The following MTMR10 variants were observed in gnomAD, a reference collection of about 807,000 sequenced individuals.
MTMR10 encodes the protein myotubularin related protein 10, also known as myotubularin-related protein 10.
In MTMR10, 56 loss-of-function variants were observed where a neutral mutation model predicts 88.1. That is an observed-to-expected ratio of 0.64 (90% CI 0.51 to 0.79). MTMR10 has a LOEUF of 0.79. MTMR10 is among the 30% of genes least tolerant of loss of function. MTMR10 has a pLI of 0.00. For synonymous variants in MTMR10, 380 were observed against 340.9 expected (o/e 1.11, Z -1.26); for missense variants, 883 against 924.7 (o/e 0.95, Z 0.58).
chr15:30,947,006 C>A, intron 14 of MTMR10, 124 bp downstream of exon 14: 1 of 1,240,512 alleles, frequency 8.1e-7, no homozygotes. Context: ...GAAATTTCAG[C>A]TGAAAATGGC....
In MTMR10 at chr15:30,941,752, G is replaced by A. The variant is rs777954484; in HGVS notation, c.2052C>T (p.Leu684=). The change falls in exon 16 of 16, where the codon CTC becomes CTT. Residue 684 remains leucine, a synonymous_variant. Coordinates refer to ENST00000435680, the MANE Select transcript of MTMR10 (RefSeq NM_017762.3). ...TCAGTACGTCGACTTCATCAGCCAG[G>A]AGGGAGAGCTTGTGAAAGGCTGTGA... ...GSITAFHKLS[L]LADEVDVLSR... The A allele has an allele frequency of 6.2e-7, 1 of 1,613,990 alleles. No homozygotes were observed. The highest frequency in any genetic ancestry group is 8.5e-7 in the Non-Finnish European group (1 of 1,179,894).
At chr15:30,959,668 C>T (rs1369965294) in intron 7 of MTMR10, among the ~76,000 whole-genome samples, 1 of 152,228 alleles carries the variant, frequency 6.6e-6, no homozygotes, top group African/African-American at 2.4e-5. Context: ...TTTCTCAGCA[C>T]ATATACCAGA....
chr15:30,943,070 T>A lies in MTMR10; in HGVS notation c.1551A>T (p.Glu517Asp). ...ATTGGATGTTTTTGCTTATAGCAAATTCCTGCAAAATAAATAAATAAATAT... is the reference window on the plus strand; with the variant it reads ...ATTGGATGTTTTTGCTTATAGCAAAATCCTGCAAAATAAATAAATAAATAT... ...SPHQRVKQST[E>D]FAISKNIQLG... Residue 517 changes from glutamate (E) to aspartate (D), a missense_variant and splice_region_variant, in exon 15 of 16, where the codon GAA (glutamate) becomes GAT (aspartate). This residue lies in a region of MTMR10 where 343 missense variants were observed against 323.2 expected (regional missense o/e 1.06). Coordinates refer to ENST00000435680, the MANE Select transcript of MTMR10 (RefSeq NM_017762.3). 1 of 1,526,728 alleles carries A rather than the reference T, an allele frequency of 6.5e-7. No individual in the cohort carries two copies. The highest frequency in any genetic ancestry group is 8.8e-7 in the Non-Finnish European group (1 of 1,140,376). The allele number at this position is 1,526,728 out of a possible 1,614,324, so 94.6% of individuals were successfully genotyped here. A position where few individuals can be genotyped will look rare whatever the true frequency, so the allele number is the denominator to read the frequency against.
intron 2 of MTMR10, among the ~76,000 whole-genome samples, chr15:30,978,465 G>C (rs1445241493): frequency 1.3e-5 from 2 of 152,330 alleles, no homozygotes; most frequent in East Asian, 3.9e-4. Context: ...CTAGATAAGA[G>C]AAACTAGTAA....
In MTMR10 at chr15:30,991,509, T is replaced by G. The variant is rs760457362; in HGVS notation, c.-3A>C. 1 of 1,531,320 alleles carries G rather than the reference T, an allele frequency of 6.5e-7. No individual in the cohort carries two copies. The highest frequency in any genetic ancestry group is 8.7e-7 in the Non-Finnish European group (1 of 1,147,420). The allele number at this position is 1,531,320 out of a possible 1,614,324, so 94.9% of individuals were successfully genotyped here. A position where few individuals can be genotyped will look rare whatever the true frequency, so the allele number is the denominator to read the frequency against. On this transcript the variant is annotated 5_prime_UTR_variant, in exon 1 of 16. Coordinates refer to ENST00000435680, the MANE Select transcript of MTMR10 (RefSeq NM_017762.3). ...TTGGGCGGCTTGAGGGAGAACATGG[T>G]GCCGCCGCCTTTTCGCCCCGTTCCC... is the stretch of plus-strand genomic sequence containing the variant.
chr15:30,959,010 TA>T (rs2063364952), intron 8 of MTMR10, 23 bp downstream of exon 8: 1 of 1,613,370 alleles, frequency 6.2e-7, no homozygotes, highest in African/African-American at 1.3e-5. Flanking sequence ...TCAGCATTCA[TA>T]AAATCCAACA....
Position 30,939,531 on chromosome 15 carries a change from AAAAAT to A in MTMR10, c.*1934_*1938del. On this transcript the variant is annotated 3_prime_UTR_variant, in exon 16 of 16. Coordinates refer to ENST00000435680, the MANE Select transcript of MTMR10 (RefSeq NM_017762.3). ...AATCATGATATAACAACTGTCCAGC[AAAAAT>A]AAAAGTATTTTACATTTGATTATCA... 1 of 977,988 alleles carries A rather than the reference AAAAAT, an allele frequency of 1.0e-6. No homozygotes were observed. Among genetic ancestry groups the A allele is most frequent in the Non-Finnish European group, 1.2e-6 (1 of 823,192 alleles). 60.6% of individuals were successfully genotyped at this position (977,988 alleles called of 1,614,324 possible).
At chr15:30,925,134 A>G in the MTMR10 span, 11 of 1,613,132 alleles carry the variant, frequency 6.8e-6, no homozygotes, top group Non-Finnish European at 8.5e-6. Flanking sequence ...CAGACTATCA[A>G]GTGCATCACA....
chr15:30,929,678 C>CAT, the MTMR10 span, among the ~76,000 whole-genome samples: 212 of 46,778 alleles, frequency 4.5e-3, 4 homozygotes, highest in African/African-American at 0.015. Flanking sequence ...TATAATATAT[C>CAT]ATATAATATA....
intron 9 of MTMR10, 140 bp from the exon 10 acceptor site, chr15:30,955,033 TAAGACAGAACCATTGCTTATC>T: frequency 1.5e-6 from 1 of 646,004 alleles, no homozygotes; most frequent in Non-Finnish European, 2.3e-6. Flanking sequence ...TTTTTTTTTT[TAAGACAGAACCATTGCTTATC>T]TTATTTTTTA....
intron 14 of MTMR10, chr15:30,944,112 T>G (rs1037050015): frequency 4.2e-6 from 3 of 720,308 alleles, no homozygotes; most frequent in Non-Finnish European, 5.1e-6. Flanking sequence ...CAGGAGGCCA[T>G]GACTACATCA....
rs1186907461 is a variant in MTMR10, at chr15:30,942,881, G to A, written c.1731+9C>T. 2 of 1,554,798 alleles carry A rather than the reference G, an allele frequency of 1.3e-6. No homozygotes were observed. The highest frequency in any genetic ancestry group is 2.4e-5 in the East Asian group (1 of 42,412). On this transcript the variant is annotated intron_variant, in intron 15 of 15. Transcript: ENST00000435680. ...GAGCCAACATCACGTTTTGTTAGCT[G>A]TGATTTACCTTTGTCCGTTTAAAAG...
intron 2 of MTMR10, among the ~76,000 whole-genome samples, chr15:30,990,023 A>T (rs2031205334): frequency 6.6e-6 from 1 of 152,166 alleles, no homozygotes; most frequent in Admixed American, 6.5e-5. Context: ...ATGCTCTAAA[A>T]CAAACCCCTT....
At chr15:30,934,936 G>T (rs1254355016), downstream of MTMR10, among the ~76,000 whole-genome samples, 1 of 152,114 alleles carries the variant, frequency 6.6e-6, no homozygotes, top group Non-Finnish European at 1.5e-5. Flanking sequence ...GTTGATTAAT[G>T]AGTCTGTATT....
At chr15:30,930,050 T>C in the MTMR10 span, among the ~76,000 whole-genome samples, 1 of 141,516 alleles carries the variant, frequency 7.1e-6, no homozygotes, top group African/African-American at 2.6e-5. Flanking sequence ...TTATATAAAT[T>C]ATATATATGA....
At chr15:30,930,811 T>G in the MTMR10 span, 2 of 1,050,034 alleles carry the variant, frequency 1.9e-6, no homozygotes, top group South Asian at 2.7e-5. Flanking sequence ...TGGGTTCCTG[T>G]GGGCCTGTCC....
intron 7 of MTMR10, 72 bp downstream of exon 7, chr15:30,960,806 TGAC>T: frequency 7.3e-7 from 1 of 1,377,636 alleles, no homozygotes; most frequent in Non-Finnish European, 9.5e-7. Flanking sequence ...AAGTCATCAA[TGAC>T]AACAGAGTTT....
chr15:30,981,676 T>C (rs7170710), intron 2 of MTMR10, among the ~76,000 whole-genome samples: 89,273 of 152,156 alleles, frequency 0.59, 27,615 homozygotes, highest in African/African-American at 0.77. Flanking sequence ...AATTTGATGA[T>C]GTTTCTAGGG....
At chr15:30,936,591 T>C (rs1272229721), downstream of MTMR10, among the ~76,000 whole-genome samples, 1 of 152,246 alleles carries the variant, frequency 6.6e-6, no homozygotes, top group East Asian at 1.9e-4. Flanking sequence ...CTTAGCTACA[T>C]ACAGACGCTT....
Sources: allele counts gnomAD v4.1 joint callset (sites outside exome capture counted in the v4.1 genomes callset), GRCh38; gene constraint gnomAD v4.1.1; regional missense constraint gnomAD v4.1.1; transcripts MANE v1.5; gene names NCBI Gene and HGNC (gene_info 2026-07-23, HGNC 2026-07-21).